The following BCAN variants were observed in gnomAD, a reference collection of about 807,000 sequenced individuals.
BCAN encodes the protein brevican.
A neutral mutation model predicts 92.4 loss-of-function variants in BCAN; 51 were observed. The observed-to-expected ratio is 0.55, with a 90% CI of 0.44 to 0.70. The LOEUF (loss-of-function observed/expected upper bound fraction) is 0.70, where lower values mean the gene tolerates loss of function less well. Among genes scored for constraint, BCAN ranks in the 30% least tolerant of loss-of-function variants. The pLI is 0.00. For missense variants in BCAN, 1,140 were observed against 1,212.1 expected (o/e 0.94, Z 0.88); for synonymous variants, 501 against 505.2 (o/e 0.99, Z 0.11).
Position 156,656,934 on chromosome 1 carries a change from G to A in BCAN, c.2051-4G>A. 1 of 1,612,582 alleles carries A rather than the reference G, an allele frequency of 6.2e-7. No homozygotes were observed. Among genetic ancestry groups the A allele is most frequent in the South Asian group, 1.1e-5 (1 of 91,036 alleles). ...CCTAAGATGCCCGCCCTTATGTGCC[G>A]CAGGCCTCCGCTTCTGCAACCCCGG... On this transcript the variant is annotated splice_region_variant and splice_polypyrimidine_tract_variant and intron_variant, in intron 9 of 13. Coordinates refer to ENST00000329117, the MANE Select transcript of BCAN (RefSeq NM_021948.5).
At chr1:156,654,412 T>G (rs561406117) in intron 8 of BCAN, among the ~76,000 whole-genome samples, 1 of 152,106 alleles carries the variant, frequency 6.6e-6, no homozygotes, top group African/African-American at 2.4e-5. Context: ...AGGAGCACAA[T>G]TGGAGGTATC....
At chr1:156,646,551 G>A in intron 2 of BCAN, 1 of 604,450 alleles carries the variant, frequency 1.7e-6, no homozygotes, top group Admixed American at 3.5e-5. Context: ...CTGAGAGCAG[G>A]GCAAGGAATC....
At position 156,656,287 on chromosome 1, in the gene BCAN, T is replaced by C. The variant is rs373434724; in HGVS notation, c.1948T>C (p.Cys650Arg). Residue 650 changes from cysteine to arginine, a missense_variant, in exon 9 of 14, where the codon TGT (cysteine) becomes CGT (arginine). Around this residue, in one of 3 missense-constraint regions of BCAN, gnomAD observed 825 missense variants for 871.8 expected, o/e 0.95. Coordinates refer to ENST00000329117, the MANE Select transcript of BCAN (RefSeq NM_021948.5). ...GVAVVPASGDCVPSPCHNGGT... is the reference protein window; with the variant it reads ...GVAVVPASGDRVPSPCHNGGT... ...CACTTCTTTCCCCCTCTCAGGTGAC[T>C]GTGTCCCCAGCCCCTGCCACAATGG... 23 of 1,464,354 alleles carry C rather than the reference T, an allele frequency of 1.6e-5. No individual in the cohort carries two copies. The highest frequency in any genetic ancestry group is 3.0e-5 in the African/African-American group (2 of 67,364). 90.7% of individuals were successfully genotyped at this position (1,464,354 alleles called of 1,614,324 possible).
rs186250850 is a variant in BCAN at position 156,651,762 on chromosome 1, G to C, written c.1297+73G>C. The C allele has an allele frequency of 2.8e-5, 37 of 1,331,836 alleles. No individual in the cohort carries two copies. In the East Asian group the frequency reaches 8.6e-4, roughly 31 times the overall value. The allele number at this position is 1,331,836 out of a possible 1,614,324, so 82.5% of individuals were successfully genotyped here. On this transcript the variant is annotated intron_variant, in intron 7 of 13. Coordinates refer to ENST00000329117, the MANE Select transcript of BCAN (RefSeq NM_021948.5). ...GGGGCAGAAGAGGCAAGCCCAGGTTGATGCTAGGGTGATGGATGACATGAC... is the reference window on the plus strand; with the variant it reads ...GGGGCAGAAGAGGCAAGCCCAGGTTCATGCTAGGGTGATGGATGACATGAC...
chr1:156,646,880 C>T lies in BCAN; in HGVS notation c.171C>T (p.Cys57=). The T allele has an allele frequency of 6.2e-7, 1 of 1,610,442 alleles. No homozygotes were observed. The highest frequency in any genetic ancestry group is 2.2e-5 in the East Asian group (1 of 44,792). The change falls in exon 3 of 14, where the codon TGC becomes TGT. Residue 57 remains cysteine (C), a synonymous_variant. Coordinates refer to ENST00000329117, the MANE Select transcript of BCAN (RefSeq NM_021948.5). The part of the protein sequence containing the change: ...GVLGGALTIP[C]HVHYLRPPPS... Reference sequence around the variant, plus strand: ...TCGGCGGCGCCCTCACCATCCCTTGCCACGTCCACTACCTGCGGCCACCGC... The same window carrying T: ...TCGGCGGCGCCCTCACCATCCCTTGTCACGTCCACTACCTGCGGCCACCGC...
rs1257901341 is a variant in BCAN at position 156,646,807 on chromosome 1, G to A, written c.98G>A (p.Arg33His). 3.2e-6 allele frequency: 5 copies of A among 1,561,182 alleles called. No homozygotes were observed. The highest frequency in any genetic ancestry group is 3.5e-6 in the Non-Finnish European group (4 of 1,153,698). ...CGGCTCCACCCGTTCACAGAGGACC[G>A]CGCTTTTCGCGTGCGCATCGCGGGC... ...DVLEGDSSEDRAFRVRIAGDA... is the reference protein window; with the variant it reads ...DVLEGDSSEDHAFRVRIAGDA... Residue 33 changes from arginine (R) to histidine (H), a missense_variant, in exon 3 of 14, where the codon CGC becomes CAC. Physicochemically the swap from Arg to His is conservative, Grantham distance 29 (BLOSUM62 0). Around this residue, in one of 3 missense-constraint regions of BCAN, gnomAD observed 286 missense variants for 284.1 expected, o/e 1.01. Coordinates refer to ENST00000329117, the MANE Select transcript of BCAN (RefSeq NM_021948.5).
At position 156,652,309 on chromosome 1, in the gene BCAN, G is replaced by A. The variant is rs1339318042; in HGVS notation, c.1359G>A (p.Leu453=). ...TGFSEEEGKA[L]EEEEKYEDEE... ...TCTCAGAAGAGGAAGGTAAGGCATTGGAGGAAGAAGAGAAATATGAAGATG... is the reference window on the plus strand; with the variant it reads ...TCTCAGAAGAGGAAGGTAAGGCATTAGAGGAAGAAGAGAAATATGAAGATG... Residue 453 remains leucine (L), a synonymous_variant, in exon 8 of 14, where the codon TTG becomes TTA. Transcript: ENST00000329117. 3.1e-6 allele frequency: 5 copies of A among 1,613,316 alleles called. No individual in the cohort carries two copies. The highest frequency in any genetic ancestry group is 2.2e-5 in the East Asian group (1 of 44,904).
chr1:156,652,774 G>A lies in BCAN; in HGVS notation c.1824G>A (p.Glu608=). ...CCCCTGAGGGTACCAGGGAGCTGGA[G>A]GCCCCCTCTGAAGATAATTCTGGAA... The part of the protein sequence containing the change: ...TRAPEGTREL[E]APSEDNSGRT... The change falls in exon 8 of 14, where the codon GAG becomes GAA. Residue 608 remains glutamate (E), a synonymous_variant. Coordinates refer to ENST00000329117, the MANE Select transcript of BCAN (RefSeq NM_021948.5). 6.2e-7 allele frequency: 1 copy of A among 1,611,422 alleles called. No homozygotes were observed. The highest frequency in any genetic ancestry group is 1.3e-5 in the African/African-American group (1 of 74,968).
chr1:156,644,879 C>G (rs1454595413), intron 1 of BCAN: 1 of 152,260 alleles, frequency 6.6e-6, no homozygotes, highest in African/African-American at 2.4e-5. Flanking sequence ...CATCATTGGC[C>G]TATTCCATGG....
Position 156,652,453 on chromosome 1 carries a change from C to T in BCAN, c.1503C>T (p.Ala501=). 1 of 1,603,932 alleles carries T rather than the reference C, an allele frequency of 6.2e-7. No homozygotes were observed. The highest frequency in any genetic ancestry group is 1.3e-5 in the African/African-American group (1 of 74,762). The change falls in exon 8 of 14, where the codon GCC becomes GCT. Residue 501 remains alanine (A), a synonymous_variant. Coordinates refer to ENST00000329117, the MANE Select transcript of BCAN (RefSeq NM_021948.5). The part of the protein sequence containing the change: ...PEASLPTEPA[A]QEESLSQAPA... ...CCTCTCTCCCCACTGAGCCAGCAGC[C>T]CAGGAGGAGTCACTCTCCCAGGCGC...
At position 156,657,095 on chromosome 1, in the gene BCAN, C is replaced by T. The variant is rs758580372; in HGVS notation, c.2208C>T (p.Asn736=). 1.1e-5 allele frequency: 18 copies of T among 1,611,648 alleles called. No individual in the cohort carries two copies. The highest frequency in any genetic ancestry group is 1.4e-5 in the Non-Finnish European group (16 of 1,178,222). ...ISTPEEQDFI[N]NRYREYQWIG... ...CACCCGAGGAACAGGACTTCATCAA[C>T]AGTGGGCTGGGAGACAGGGCGGGAG... Residue 736 remains asparagine, a splice_region_variant and synonymous_variant, in exon 10 of 14, where the codon AAC becomes AAT. Coordinates refer to ENST00000329117, the MANE Select transcript of BCAN (RefSeq NM_021948.5).
In BCAN at chr1:156,647,105, A is replaced by G. The variant is rs17850453; in HGVS notation, c.396A>G (p.Ser132=). ...LALSELRPND[S]GIYRCEVQHG... is the part of the protein sequence containing the mutation. Reference sequence around the variant, plus strand: ...TGAGCGAGCTGCGCCCCAACGACTCAGGTATCTATCGCTGTGAGGTCCAGC... The same window carrying G: ...TGAGCGAGCTGCGCCCCAACGACTCGGGTATCTATCGCTGTGAGGTCCAGC... The change falls in exon 3 of 14, where the codon TCA becomes TCG. Residue 132 remains serine, a synonymous_variant. Coordinates refer to ENST00000329117, the MANE Select transcript of BCAN (RefSeq NM_021948.5). The surrounding 1 kb of genome is among the most constrained non-coding windows in gnomAD (Gnocchi z 4.8). 6.3e-7 allele frequency: 1 copy of G among 1,594,530 alleles called. No homozygotes were observed. The highest frequency in any genetic ancestry group is 8.6e-7 in the Non-Finnish European group (1 of 1,166,956).
At chr1:156,649,445 C>T (rs568622082) in intron 6 of BCAN, among the ~76,000 whole-genome samples, 51 of 152,346 alleles carry the variant, frequency 3.3e-4, no homozygotes, top group African/African-American at 1.1e-3. Context: ...CTCCGTCCCC[C>T]AGGCTGGAGT....
chr1:156,656,154 G>T, intron 8 of BCAN, 128 bp from the exon 9 acceptor site: 1 of 524,502 alleles, frequency 1.9e-6, no homozygotes, highest in East Asian at 3.5e-5. Context: ...AGAACTTTTA[G>T]GGTGCTGTTA....
chr1:156,643,914 G>A (rs1464611435), intron 1 of BCAN: 1 of 152,374 alleles, frequency 6.6e-6, no homozygotes, highest in East Asian at 1.9e-4. Context: ...TCTGGAGGAA[G>A]AGAAGAGGAA....
rs761137329 is a variant in BCAN, at chr1:156,648,622, C to A, written c.824C>A (p.Ala275Glu). 2.5e-6 allele frequency: 4 copies of A among 1,608,672 alleles called. No individual in the cohort carries two copies. Among genetic ancestry groups the A allele is most frequent in the East Asian group, 2.2e-5 (1 of 44,710 alleles). Residue 275 changes from alanine (A) to glutamate (E), a missense_variant, in exon 6 of 14, where the codon GCG becomes GAG. Ala to Glu is a moderately radical substitution (Grantham distance 107, BLOSUM62 -1). Transcript: ENST00000329117. ...AAGCTGACATTGGAGGAAGCACGGG[C>A]GTACTGCCAGGAGCGGGGTGCAGAG... is the stretch of plus-strand genomic sequence containing the variant. ...PEKLTLEEAR[A>E]YCQERGAEIA...
chr1:156,657,333 C>A (rs1167425567), intron 10 of BCAN: 1 of 637,000 alleles, frequency 1.6e-6, no homozygotes, highest in Non-Finnish European at 2.6e-6. Flanking sequence ...CCTGTGTGGG[C>A]CGGGCCGCCG....
chr1:156,648,963 C>T, intron 6 of BCAN, 102 bp downstream of exon 6: 1 of 1,357,078 alleles, frequency 7.4e-7, no homozygotes, highest in Non-Finnish European at 9.8e-7. Flanking sequence ...AGGGCTTTGC[C>T]ATTTGCCTGA....
chr1:156,646,910 C>G lies in BCAN; in HGVS notation c.201C>G (p.Ser67Arg). Residue 67 changes from serine (S) to arginine (R), a missense_variant, in exon 3 of 14, where the codon AGC (serine) becomes AGG (arginine). Ser to Arg is a moderately radical substitution (Grantham distance 110, BLOSUM62 -1). Coordinates refer to ENST00000329117, the MANE Select transcript of BCAN (RefSeq NM_021948.5). ...CHVHYLRPPP[S>R]RRAVLGSPRV... is the part of the protein sequence containing the mutation. ...TCCACTACCTGCGGCCACCGCCGAG[C>G]CGCCGGGCTGTGCTGGGCTCTCCGC... The G allele has an allele frequency of 6.2e-7, 1 of 1,611,658 alleles. No homozygotes were observed. The highest frequency in any genetic ancestry group is 8.5e-7 in the Non-Finnish European group (1 of 1,179,164).
Sources: allele counts gnomAD v4.1 joint callset (sites outside exome capture counted in the v4.1 genomes callset), GRCh38; gene constraint gnomAD v4.1.1; regional missense constraint gnomAD v4.1.1; non-coding constraint Gnocchi (gnomAD v3.1); transcripts MANE v1.5; gene names NCBI Gene and HGNC (gene_info 2026-07-23, HGNC 2026-07-21).